The following ZFHX3 variants were observed in gnomAD, a reference collection of about 807,000 sequenced individuals.
ZFHX3 encodes the protein zinc finger homeobox 3.
ZFHX3 carries 42 observed loss-of-function variants against 279.1 expected under a neutral mutation model. The ratio of observed to expected loss-of-function variants is 0.15; its 90% CI spans 0.12 to 0.19. The LOEUF (loss-of-function observed/expected upper bound fraction) is 0.19. ZFHX3 is among the 10% of genes least tolerant of loss of function. The probability of loss-of-function intolerance (pLI) is 1.00; values close to 1 mark genes in which losing one functional copy is unlikely to be tolerated. For synonymous variants in ZFHX3, 2,293 were observed against 1,957.8 expected, an observed-to-expected ratio of 1.17 and a Z score of -4.52; for missense variants, 4,981 against 4,754.0, an observed-to-expected ratio of 1.05 and a Z score of -1.40.
intron 1 of ZFHX3, among the ~76,000 whole-genome samples, chr16:73,741,989 T>A (rs185827068): frequency 4.6e-5 from 7 of 152,282 alleles, no homozygotes; most frequent in African/African-American, 1.7e-4. Flanking sequence ...AAACCAGAAG[T>A]CCAGCTATTG....
At chr16:72,824,064 G>A (rs1056251799) in intron 5 of ZFHX3, among the ~76,000 whole-genome samples, 3 of 152,260 alleles carry the variant, frequency 2.0e-5, no homozygotes, top group African/African-American at 7.2e-5. Context: ...GTAAACAACA[G>A]GGAAAACAGG....
intron 2 of ZFHX3, among the ~76,000 whole-genome samples, chr16:73,501,182 G>A (rs1369655406): frequency 6.6e-6 from 1 of 152,180 alleles, no homozygotes; most frequent in Non-Finnish European, 1.5e-5. Context: ...TATAGCCCAG[G>A]AGCAATAGGC....
At chr16:73,444,933 C>G (rs528081119) in intron 3 of ZFHX3, among the ~76,000 whole-genome samples, 1 of 112,300 alleles carries the variant, frequency 8.9e-6, no homozygotes, top group Non-Finnish European at 1.7e-5. Context: ...TCCTGGCTAA[C>G]ATGGTGAAAC....
At chr16:73,327,680 C>A (rs1772762078) in intron 3 of ZFHX3, among the ~76,000 whole-genome samples, 1 of 152,218 alleles carries the variant, frequency 6.6e-6, no homozygotes, top group Admixed American at 6.5e-5. Context: ...AGAATACCAA[C>A]TTTATGTCAA....
chr16:73,807,619 A>ATTTTTTTTTTTTTT (rs1960314019), intron 1 of ZFHX3, among the ~76,000 whole-genome samples: 6 of 93,696 alleles, frequency 6.4e-5, no homozygotes, highest in African/African-American at 3.5e-4. Flanking sequence ...ACCATGCCCC[A>ATTTTTTTTTTTTTT]ATTTTTTTTT....
chr16:73,883,806 G>C lies in ZFHX3; in HGVS notation c.-1608+7845C>G, dbSNP rs754025290. Among the ~76,000 whole-genome samples, 122 of 152,132 alleles carry C rather than the reference G, an allele frequency of 8.0e-4. 2 individuals are homozygous for C. Among genetic ancestry groups the C allele is most frequent in the African/African-American group, 2.9e-3 (122 of 41,532 alleles). On this transcript the variant is annotated intron_variant, in intron 1 of 17. Transcript: ENST00000641206. ...TAAGCAAAGGTTAGAAGGATGAGGT[G>C]GTCAAGTCAAGGGTGCCTCTTACTG...
intron 1 of ZFHX3, among the ~76,000 whole-genome samples, chr16:73,858,072 G>T (rs1961784141): frequency 6.6e-6 from 1 of 151,116 alleles, no homozygotes; most frequent in African/African-American, 2.5e-5. Context: ...CTCCAGCCTG[G>T]GCAACAGAAC....
intron 2 of ZFHX3, among the ~76,000 whole-genome samples, chr16:73,484,823 C>T (rs1391044190): frequency 2.0e-5 from 3 of 152,180 alleles, no homozygotes; most frequent in Non-Finnish European, 4.4e-5. Flanking sequence ...ATAGGAACAT[C>T]TCATGCATGG....
At chr16:73,676,493 C>G (rs1390791943) in intron 2 of ZFHX3, among the ~76,000 whole-genome samples, 2 of 151,972 alleles carry the variant, frequency 1.3e-5, no homozygotes, top group African/African-American at 4.8e-5. Flanking sequence ...TGAATACCAA[C>G]ATATACTTCA....
At chr16:73,128,421 A>T (rs1286680587) in intron 7 of ZFHX3, among the ~76,000 whole-genome samples, 1 of 152,262 alleles carries the variant, frequency 6.6e-6, no homozygotes, top group East Asian at 1.9e-4. Context: ...TTTTACAATC[A>T]TGAAACCTAG....
chr16:73,759,519 C>T (rs2053842138), intron 1 of ZFHX3, among the ~76,000 whole-genome samples: 2 of 152,134 alleles, frequency 1.3e-5, no homozygotes, highest in South Asian at 2.1e-4. Context: ...AGACAGAGAG[C>T]TATCCCTGAA....
intron 1 of ZFHX3, among the ~76,000 whole-genome samples, chr16:73,045,131 G>A (rs773126034): frequency 1.3e-5 from 2 of 152,124 alleles, no homozygotes; most frequent in Non-Finnish European, 2.9e-5. Flanking sequence ...CTTTGTAGGT[G>A]GAAGAAAAAA....
intron 7 of ZFHX3, among the ~76,000 whole-genome samples, chr16:73,103,123 C>T (rs1966251634): frequency 6.6e-6 from 1 of 152,134 alleles, no homozygotes; most frequent in Non-Finnish European, 1.5e-5. Context: ...TAGGGTTTCA[C>T]CATGTTGGCC....
At chr16:73,357,978 C>A (rs147709382) in intron 3 of ZFHX3, among the ~76,000 whole-genome samples, 6 of 152,218 alleles carry the variant, frequency 3.9e-5, no homozygotes, top group Admixed American at 2.6e-4. Flanking sequence ...GAGCCTCCCC[C>A]ATCCCCTCTC....
At chr16:73,756,013 G>A (rs965190467) in intron 1 of ZFHX3, among the ~76,000 whole-genome samples, 14 of 152,090 alleles carry the variant, frequency 9.2e-5, no homozygotes, top group Non-Finnish European at 1.9e-4. Context: ...GAGGCTCACC[G>A]GCAACTAAAA....
intron 3 of ZFHX3, among the ~76,000 whole-genome samples, chr16:72,920,447 A>G (rs568103525): frequency 6.6e-6 from 1 of 152,208 alleles, no homozygotes; most frequent in Admixed American, 6.5e-5. Flanking sequence ...TTGGGAGGCC[A>G]AGGCGGTGGA....
intron 5 of ZFHX3, among the ~76,000 whole-genome samples, chr16:73,188,476 C>T (rs1372580150): frequency 6.6e-6 from 1 of 152,204 alleles, no homozygotes; most frequent in East Asian, 1.9e-4. Flanking sequence ...AGCTTCGGTC[C>T]ACCTTCCTGT....
intron 7 of ZFHX3, chr16:73,123,227 C>T (rs1374905128): frequency 1.4e-5 from 2 of 146,946 alleles, no homozygotes; most frequent in Admixed American, 6.9e-5. Flanking sequence ...AAAATGGCTA[C>T]AGTATTTTGC....
In ZFHX3 at chr16:72,796,028, G is replaced by A. The variant is rs1320482575; in HGVS notation, c.6654C>T (p.Ser2218=). Residue 2218 remains serine (S), a synonymous_variant, in exon 9 of 10, where the codon AGC becomes AGT. Transcript: ENST00000268489. ...GGGAGTCAATCTTGAGCTCCTCCAG[G>A]CTGGTGATAGGAGGATTACTGAAGT... ...PYNFSNPPIT[S]LEELKIDSRP... 16 of 1,614,160 alleles carry A rather than the reference G, an allele frequency of 9.9e-6. No individual in the cohort carries two copies. The highest frequency in any genetic ancestry group is 1.3e-5 in the Non-Finnish European group (15 of 1,180,036).
Sources: gnomAD v4.1 joint callset for allele counts (sites outside exome capture counted in the v4.1 genomes callset) on GRCh38, gnomAD v4.1.1 for gene constraint, MANE v1.5 for transcripts, NCBI Gene and HGNC (gene_info 2026-07-23, HGNC 2026-07-21) for gene names.